Variants in COL28A1 observed in about 807,000 individuals in gnomAD.
The protein encoded by COL28A1 is collagen type XXVIII alpha 1 chain, also known as collagen alpha-1(XXVIII) chain.
A neutral mutation model predicts 150.2 loss-of-function variants in COL28A1; 161 were observed. The observed-to-expected ratio is 1.07, with a 90% CI of 0.94 to 1.22. The LOEUF (loss-of-function observed/expected upper bound fraction) is 1.22. Among genes scored for constraint, COL28A1 ranks in the 50% most tolerant of loss-of-function variants. COL28A1 has a pLI of 0.00. For missense variants in COL28A1, 1,617 were observed against 1,388.3 expected (o/e 1.16, Z -2.62); for synonymous variants, 552 against 469.7 (o/e 1.18, Z -2.26).
At chr7:7,525,449 T>C (rs151212850) in intron 3 of COL28A1, among the ~76,000 whole-genome samples, 1 of 152,322 alleles carries the variant, frequency 6.6e-6, no homozygotes, top group East Asian at 1.9e-4. Context: ...CTAATCTATG[T>C]TTATATATAG....
At chr7:7,424,536 A>G (rs922590603) in intron 25 of COL28A1, among the ~76,000 whole-genome samples, 1 of 152,200 alleles carries the variant, frequency 6.6e-6, no homozygotes, top group East Asian at 1.9e-4. Flanking sequence ...AGGTTGTCGC[A>G]TAGCTGGACA....
intron 15 of COL28A1, among the ~76,000 whole-genome samples, chr7:7,464,323 C>T (rs1319170644): frequency 2.0e-5 from 3 of 152,128 alleles, no homozygotes; most frequent in Non-Finnish European, 4.4e-5. Context: ...TTAACAGATA[C>T]TTACAGAACA....
At chr7:7,528,319 A>G (rs934342051) in intron 3 of COL28A1, among the ~76,000 whole-genome samples, 1 of 152,184 alleles carries the variant, frequency 6.6e-6, no homozygotes, top group Non-Finnish European at 1.5e-5. Flanking sequence ...TGGTTTCAAT[A>G]CTATTATGTA....
chr7:7,435,286 A>G (rs1472845993), intron 23 of COL28A1, among the ~76,000 whole-genome samples: 1 of 152,246 alleles, frequency 6.6e-6, no homozygotes, highest in Non-Finnish European at 1.5e-5. Flanking sequence ...TCATGCAAAT[A>G]TAATTGATCA....
intron 26 of COL28A1, among the ~76,000 whole-genome samples, chr7:7,419,187 A>C (rs1163206961): frequency 2.0e-5 from 3 of 152,236 alleles, no homozygotes; most frequent in Non-Finnish European, 4.4e-5. Flanking sequence ...TAGGTTTCTC[A>C]AACTCAGCAC....
chr7:7,432,887 T>C (rs1479311978), intron 23 of COL28A1, among the ~76,000 whole-genome samples, 187 bp from the exon 24 acceptor site: 2 of 152,092 alleles, frequency 1.3e-5, no homozygotes, highest in East Asian at 1.9e-4. Flanking sequence ...CAAGAAGAAG[T>C]ATAAAAAAGA....
intron 16 of COL28A1, 129 bp downstream of exon 16, chr7:7,455,915 T>C (rs929242086): frequency 1.6e-6 from 2 of 1,273,134 alleles, no homozygotes; most frequent in Admixed American, 3.0e-5. Context: ...TATTCACTTC[T>C]GGACTTATAC....
intron 23 of COL28A1, among the ~76,000 whole-genome samples, chr7:7,435,188 G>A (rs748608848): frequency 7.2e-5 from 11 of 152,128 alleles, no homozygotes; most frequent in Non-Finnish European, 7.3e-5. Context: ...CATTTAATTG[G>A]ATTGTATTCC....
intron 18 of COL28A1, among the ~76,000 whole-genome samples, chr7:7,447,737 T>C (rs2128326062): frequency 6.6e-6 from 1 of 152,176 alleles, no homozygotes. Flanking sequence ...CTGATTAGTG[T>C]CATGGAAGAA....
intron 27 of COL28A1, among the ~76,000 whole-genome samples, chr7:7,416,812 C>A (rs978200644): frequency 1.3e-5 from 2 of 152,178 alleles, no homozygotes; most frequent in Non-Finnish European, 2.9e-5. Flanking sequence ...TCTCTCTACA[C>A]AGAAGTAGGC....
At chr7:7,448,342 T>C (rs1001755728) in intron 18 of COL28A1, among the ~76,000 whole-genome samples, 29 of 151,854 alleles carry the variant, frequency 1.9e-4, no homozygotes, top group African/African-American at 6.3e-4. Flanking sequence ...AATATAAGGA[T>C]AACAACACAT....
At chr7:7,500,085 T>C (rs992524365) in intron 11 of COL28A1, among the ~76,000 whole-genome samples, 1 of 152,220 alleles carries the variant, frequency 6.6e-6, no homozygotes, top group African/African-American at 2.4e-5. Flanking sequence ...TTGTCTTTAT[T>C]ACCCAACTAT....
the COL28A1 span, among the ~76,000 whole-genome samples, chr7:7,350,713 T>C: frequency 5.5e-3 from 812 of 148,974 alleles, 11 homozygotes; most frequent in African/African-American, 0.019. Flanking sequence ...GATTTATTCT[T>C]AACGGAATCA....
intron 13 of COL28A1, among the ~76,000 whole-genome samples, chr7:7,482,848 C>T (rs1406189828): frequency 6.6e-6 from 1 of 152,172 alleles, no homozygotes; most frequent in Non-Finnish European, 1.5e-5. Context: ...AACTCGAGAA[C>T]TCTAGCATAT....
chr7:7,373,339 G>A lies in COL28A1; in HGVS notation c.2567C>T (p.Ser856Phe). 2.5e-6 allele frequency: 4 copies of A among 1,614,140 alleles called. 1 individual carries two copies. Among genetic ancestry groups the A allele is most frequent in the South Asian group, 2.2e-5 (2 of 91,078 alleles). ...AGCCAACTTGAAGTCATCCTTGCTG[G>A]AGAACTGCTTCAAATTAGCCACCTT... ...VEKVANLKQFSSKDDFKLAVD... is the reference protein window; with the variant it reads ...VEKVANLKQFFSKDDFKLAVD... The change falls in exon 32 of 35, where the codon TCC becomes TTC. Residue 856 changes from serine (S) to phenylalanine (F), a missense_variant. Coordinates refer to ENST00000399429, the MANE Select transcript of COL28A1 (RefSeq NM_001037763.3). This position sits in a 1 kb window ranked among gnomAD's most constrained non-coding sequence, Gnocchi z 4.1.
chr7:7,454,229 A>T (rs1786953486), intron 16 of COL28A1, among the ~76,000 whole-genome samples: 1 of 152,228 alleles, frequency 6.6e-6, no homozygotes, highest in Non-Finnish European at 1.5e-5. Context: ...TGCTGGAAAC[A>T]GAAGTTCCCT....
At position 7,531,392 on chromosome 7, in the gene COL28A1, G is replaced by A; in HGVS notation, c.637C>T (p.Leu213=). 2 of 1,594,122 alleles carry A rather than the reference G, an allele frequency of 1.3e-6. No individual in the cohort carries two copies. Among genetic ancestry groups the A allele is most frequent in the Admixed American group, 1.7e-5 (1 of 58,972 alleles). Residue 213 remains leucine, a synonymous_variant, in exon 3 of 35, where the codon CTG becomes TTG. Coordinates refer to ENST00000399429, the MANE Select transcript of COL28A1 (RefSeq NM_001037763.3). ...TCTACAAGGGTTGGATCACTCAACA[G>A]TAAAGTGGGTTCACTGGATGAATCC... is the stretch of plus-strand genomic sequence containing the variant. ...SGDSSSEPTL[L]LSDPTLVDKI... is the part of the protein sequence containing the mutation.
At chr7:7,517,331 G>A (rs1781469990) in intron 7 of COL28A1, among the ~76,000 whole-genome samples, 1 of 152,224 alleles carries the variant, frequency 6.6e-6, no homozygotes, top group East Asian at 1.9e-4. Flanking sequence ...GAAATATACT[G>A]TAATTAGTTC....
rs751238050 is a variant in COL28A1 at position 7,532,823 on chromosome 7, C to T, written c.53G>A (p.Ser18Asn). 3 of 1,612,098 alleles carry T rather than the reference C, an allele frequency of 1.9e-6. No individual in the cohort carries two copies. Among genetic ancestry groups the T allele is most frequent in the African/African-American group, 1.3e-5 (1 of 74,752 alleles). ...CTTTCTTTGTCCGGATACTGTTTGA[C>T]TCGTAAACGCTGACAAAAGCAGGAG... ...FYLLLLSAFT[S>N]QTVSGQRKKG... The change falls in exon 2 of 35, where the codon AGT (serine) becomes AAT (asparagine). Residue 18 changes from serine (S) to asparagine (N), a missense_variant. Coordinates refer to ENST00000399429, the MANE Select transcript of COL28A1 (RefSeq NM_001037763.3).
Sources: allele counts gnomAD v4.1 joint callset (sites outside exome capture counted in the v4.1 genomes callset), GRCh38; gene constraint gnomAD v4.1.1; non-coding constraint Gnocchi (gnomAD v3.1); transcripts MANE v1.5; gene names NCBI Gene and HGNC (gene_info 2026-07-23, HGNC 2026-07-21).